Variants in CACNA1E observed in about 807,000 individuals in gnomAD.
The protein encoded by CACNA1E is calcium voltage-gated channel subunit alpha1 E.
In CACNA1E, 40 loss-of-function variants were observed where a neutral mutation model predicts 259.2. That is an observed-to-expected ratio of 0.15 (90% confidence interval 0.12 to 0.20). The LOEUF is 0.20. Among genes scored for constraint, CACNA1E ranks in the 10% least tolerant of loss-of-function variants. The pLI is 1.00. For missense variants in CACNA1E, 1,874 were observed against 3,040.1 expected (o/e 0.62, Z 9.02); for synonymous variants, 1,104 against 1,138.5 (o/e 0.97, Z 0.61).
At position 181,758,671 on chromosome 1, in the gene CACNA1E, A is replaced by C; in HGVS notation, c.4495-87A>C. The C allele has an allele frequency of 1.3e-6, 1 of 741,246 alleles. No individual in the cohort carries two copies. The highest frequency in any genetic ancestry group is 2.4e-6 in the Non-Finnish European group (1 of 422,636). The allele number at this position is 741,246 out of a possible 1,614,324, so 45.9% of individuals were successfully genotyped here. ...CACCAGAGTGTCCCACAGGGCAGGA[A>C]TGAGAGATGGCCAACCTCAGTGACA... On this transcript the variant is annotated intron_variant, in intron 31 of 47. Transcript: ENST00000367573. This position sits in a 1 kb window ranked among gnomAD's most constrained non-coding sequence, Gnocchi z 4.2.
intron 2 of CACNA1E, among the ~76,000 whole-genome samples, chr1:181,450,451 T>G (rs1027372383): frequency 3.3e-5 from 5 of 151,956 alleles, no homozygotes; most frequent in Non-Finnish European, 7.4e-5. Context: ...TGTGTATGTG[T>G]GTGTGTGTGT....
At chr1:181,556,603 C>A (rs1193299362) in intron 3 of CACNA1E, among the ~76,000 whole-genome samples, 4 of 152,154 alleles carry the variant, frequency 2.6e-5, no homozygotes, top group Admixed American at 6.6e-5. Flanking sequence ...CCCAGCAGGA[C>A]CTTCTCCCCT....
At chr1:181,542,761 G>A (rs1247450368) in intron 3 of CACNA1E, among the ~76,000 whole-genome samples, 3 of 151,344 alleles carry the variant, frequency 2.0e-5, no homozygotes, top group East Asian at 1.9e-4. Context: ...GTATGAAATC[G>A]GACTAATACA....
At chr1:181,384,527 C>G (rs1055180273) in intron 1 of CACNA1E, among the ~76,000 whole-genome samples, 2 of 152,218 alleles carry the variant, frequency 1.3e-5, no homozygotes, top group African/African-American at 4.8e-5. Context: ...TCTTCTCCAT[C>G]ATAGCTCACT....
At chr1:181,771,936 G>T (rs1572857156) in intron 36 of CACNA1E, 130 bp from the exon 37 acceptor site, 1 of 778,412 alleles carries the variant, frequency 1.3e-6, no homozygotes, top group Non-Finnish European at 2.1e-6. Context: ...ACTAGAAGGG[G>T]TCAACTGGGT....
chr1:181,802,571 T>G lies in CACNA1E; in HGVS notation c.*3737T>G, dbSNP rs945423195. 6.6e-6 allele frequency: 1 copy of G among 152,194 alleles called. No individual in the cohort carries two copies. The highest frequency in any genetic ancestry group is 2.4e-5 in the African/African-American group (1 of 41,450). The allele number at this position is 152,194 out of a possible 1,614,324, so 9.4% of individuals were successfully genotyped here. On this transcript the variant is annotated 3_prime_UTR_variant, in exon 48 of 48. Coordinates refer to ENST00000367573, the MANE Select transcript of CACNA1E (RefSeq NM_001205293.3). Reference sequence around the variant, plus strand: ...TCCACCCAATCCAAGCTTATTTGCTTGCCTGACTGACTCCACCACTCTCTC... The same window carrying G: ...TCCACCCAATCCAAGCTTATTTGCTGGCCTGACTGACTCCACCACTCTCTC...
intron 6 of CACNA1E, among the ~76,000 whole-genome samples, chr1:181,593,321 G>A (rs1194382651): frequency 6.6e-6 from 1 of 152,136 alleles, no homozygotes; most frequent in Non-Finnish European, 1.5e-5. Flanking sequence ...CATATTTTCT[G>A]TCTCTTAGCA....
chr1:181,516,995 G>A (rs533866912), intron 3 of CACNA1E, among the ~76,000 whole-genome samples: 34 of 152,258 alleles, frequency 2.2e-4, no homozygotes, highest in Non-Finnish European at 4.1e-4. Flanking sequence ...GGCCTAGGAG[G>A]CCCCTCAAGA....
chr1:181,790,522 C>T lies in CACNA1E; in HGVS notation c.5864C>T (p.Ala1955Val), dbSNP rs1321359890. The change falls in exon 44 of 48, where the codon GCC becomes GTC. Residue 1955 changes from alanine to valine, a missense_variant. Around this residue, in one of 14 missense-constraint regions of CACNA1E, gnomAD observed 542 missense variants for 587.2 expected, o/e 0.92. Transcript: ENST00000367573. ...TTCCAGTTGGCTTGTATGGACCCCG[C>T]CGATGACGGACAGTTCCAAGAACGG... ...DIFQLACMDP[A>V]DDGQFQERQS... 3.1e-6 allele frequency: 5 copies of T among 1,611,912 alleles called. No homozygotes were observed. The highest frequency in any genetic ancestry group is 2.2e-5 in the East Asian group (1 of 44,876).
intron 7 of CACNA1E, among the ~76,000 whole-genome samples, chr1:181,690,711 C>G (rs1651063940): frequency 6.6e-6 from 1 of 151,976 alleles, no homozygotes; most frequent in African/African-American, 2.4e-5. Context: ...AAGTTGTATT[C>G]CTAGGTATTT....
intron 43 of CACNA1E, 139 bp from the exon 44 acceptor site, chr1:181,790,306 T>TA (rs1424985701): frequency 2.1e-5 from 10 of 483,542 alleles, no homozygotes; most frequent in East Asian, 9.9e-5. Flanking sequence ...TTTTTTTTTT[T>TA]TAATTTCAGG....
At chr1:181,367,869 A>G (rs1440557144) in intron 1 of CACNA1E, among the ~76,000 whole-genome samples, 1 of 152,126 alleles carries the variant, frequency 6.6e-6, no homozygotes, top group African/African-American at 2.4e-5. Flanking sequence ...ATAATGCTTT[A>G]TTTCTCATAT....
chr1:181,410,376 G>T (rs16857261), intron 1 of CACNA1E, among the ~76,000 whole-genome samples: 16,680 of 152,162 alleles, frequency 0.11, 1,056 homozygotes, highest in South Asian at 0.27. Context: ...GCCAAGTACC[G>T]AGTGTTGGCT....
intron 7 of CACNA1E, among the ~76,000 whole-genome samples, chr1:181,678,077 G>A (rs1649557573): frequency 6.6e-6 from 1 of 152,182 alleles, no homozygotes; most frequent in Non-Finnish European, 1.5e-5. Context: ...GGCCTGTTCT[G>A]TGGATGAGGA....
intron 6 of CACNA1E, among the ~76,000 whole-genome samples, chr1:181,638,553 TC>T (rs1657447051): frequency 1.3e-5 from 2 of 152,182 alleles, no homozygotes; most frequent in Non-Finnish European, 2.9e-5. Context: ...CTTGGGCACA[TC>T]CCCTGTGCCT....
At chr1:181,494,680 G>C (rs991016669) in intron 1 of CACNA1E, among the ~76,000 whole-genome samples, 1 of 152,132 alleles carries the variant, frequency 6.6e-6, no homozygotes, top group South Asian at 2.1e-4. Flanking sequence ...GGTCACCACC[G>C]GTGAGCTTGA....
chr1:181,610,162 T>C (rs958291536), intron 6 of CACNA1E, among the ~76,000 whole-genome samples: 15 of 152,234 alleles, frequency 9.9e-5, no homozygotes, highest in African/African-American at 3.6e-4. Flanking sequence ...AGAGAAAGGA[T>C]AAAAGCCTTT....
chr1:181,701,740 CT>C (rs1483123796), intron 7 of CACNA1E, among the ~76,000 whole-genome samples: 1 of 152,172 alleles, frequency 6.6e-6, no homozygotes, highest in Admixed American at 6.5e-5. Flanking sequence ...CATGTGAGAA[CT>C]CATAACTTTT....
At chr1:181,561,352 T>C (rs1017320673) in intron 3 of CACNA1E, among the ~76,000 whole-genome samples, 13 of 152,222 alleles carry the variant, frequency 8.5e-5, no homozygotes, top group Non-Finnish European at 1.6e-4. Context: ...TATACAACTC[T>C]GTGTTTTGAC....
Sources: allele counts gnomAD v4.1 joint callset (sites outside exome capture counted in the v4.1 genomes callset), GRCh38; gene constraint gnomAD v4.1.1; regional missense constraint gnomAD v4.1.1; non-coding constraint Gnocchi (gnomAD v3.1); transcripts MANE v1.5; gene names NCBI Gene and HGNC (gene_info 2026-07-23, HGNC 2026-07-21).